PTPRD: variants seen among roughly 807,000 people sequenced by gnomAD.
PTPRD encodes receptor-type tyrosine-protein phosphatase delta.
In PTPRD, 34 loss-of-function variants were observed where a neutral mutation model predicts 214.5. The ratio of observed to expected loss-of-function variants is 0.16; its 90% CI spans 0.12 to 0.21. The LOEUF (loss-of-function observed/expected upper bound fraction) is 0.21. Ranked by LOEUF, PTPRD falls within the 10% of genes least tolerant of loss-of-function variation. The probability of loss-of-function intolerance (pLI) is 1.00; values close to 1 mark genes in which losing one functional copy is unlikely to be tolerated. For synonymous variants in PTPRD, 1,128 were observed against 845.7 expected, an observed-to-expected ratio of 1.33 and a Z score of -5.79; for missense variants, 2,545 against 2,398.7, an observed-to-expected ratio of 1.06 and a Z score of -1.27.
At chr9:9,610,191 A>T (rs141405329) in intron 7 of PTPRD, among the ~76,000 whole-genome samples, 3 of 152,334 alleles carry the variant, frequency 2.0e-5, no homozygotes, top group African/African-American at 7.2e-5. Context: ...ATTTCAACGT[A>T]ATAAGAGCCA....
intron 2 of PTPRD, among the ~76,000 whole-genome samples, chr9:10,554,209 T>C (rs1011395875): frequency 1.2e-4 from 19 of 152,200 alleles, no homozygotes; most frequent in African/African-American, 4.3e-4. Context: ...AATGGAAATA[T>C]GTTTCCTCAC....
At chr9:9,238,063 A>C in intron 9 of PTPRD, among the ~76,000 whole-genome samples, 1 of 152,072 alleles carries the variant, frequency 6.6e-6, no homozygotes, top group Non-Finnish European at 1.5e-5. Context: ...TACTAATAGG[A>C]AGCATCAGCG....
intron 12 of PTPRD, among the ~76,000 whole-genome samples, chr9:8,730,205 G>A (rs919248387): frequency 6.6e-6 from 1 of 152,086 alleles, no homozygotes; most frequent in African/African-American, 2.4e-5. Context: ...GCACTGAGCC[G>A]AGATCGCGCC....
At chr9:10,111,270 G>C (rs867185303) in intron 3 of PTPRD, among the ~76,000 whole-genome samples, 5 of 106,340 alleles carry the variant, frequency 4.7e-5, no homozygotes, top group Admixed American at 1.6e-4. Context: ...ACGGAGTCTC[G>C]CTCTGTCGCC....
chr9:9,598,949 G>A (rs573001152), intron 7 of PTPRD, among the ~76,000 whole-genome samples: 1 of 151,948 alleles, frequency 6.6e-6, no homozygotes, highest in African/African-American at 2.4e-5. Context: ...CACAGTTCTT[G>A]GTTCCTAAGC....
intron 10 of PTPRD, among the ~76,000 whole-genome samples, chr9:9,050,294 A>G (rs879891645): frequency 7.9e-5 from 12 of 152,232 alleles, no homozygotes; most frequent in African/African-American, 2.4e-4. Flanking sequence ...AAAGTATGCA[A>G]TGCAATGAAG....
chr9:8,733,257 G>A (rs554332077), intron 12 of PTPRD, among the ~76,000 whole-genome samples: 1 of 152,058 alleles, frequency 6.6e-6, no homozygotes, highest in African/African-American at 2.4e-5. Flanking sequence ...AAAGTTGTCA[G>A]TTCTGCTTGA....
chr9:9,784,867 T>TAC (rs1005503249), intron 5 of PTPRD, among the ~76,000 whole-genome samples: 6 of 149,438 alleles, frequency 4.0e-5, no homozygotes, highest in South Asian at 2.1e-4. Context: ...ATTATATATA[T>TAC]ACACACACAC....
Position 10,466,504 on chromosome 9 carries a change from T to C in PTPRD, c.-599-125487A>G, listed in dbSNP as rs1262844110. On this transcript the variant is annotated intron_variant, in intron 2 of 45. Coordinates refer to ENST00000381196, the MANE Select transcript of PTPRD (RefSeq NM_002839.4). Reference sequence around the variant, plus strand: ...CAGGCGTGGTGGCGCATGCCTGTAATCCCAGCTACTCGGGAGGCTGAGGCA... The same window carrying C: ...CAGGCGTGGTGGCGCATGCCTGTAACCCCAGCTACTCGGGAGGCTGAGGCA... Among the ~76,000 whole-genome samples the C allele has an allele frequency of 2.6e-5, 4 of 150,960 alleles. No individual in the cohort carries two copies. The East Asian group carries it at 5.9e-4, about 22-fold the overall frequency.
At chr9:8,936,584 G>A (rs916328872) in intron 11 of PTPRD, among the ~76,000 whole-genome samples, 4 of 152,108 alleles carry the variant, frequency 2.6e-5, no homozygotes, top group African/African-American at 9.7e-5. Context: ...AGGCAGCCTT[G>A]CTTTGAGGAA....
At chr9:8,688,478 T>A (rs1457959305) in intron 12 of PTPRD, among the ~76,000 whole-genome samples, 1 of 148,424 alleles carries the variant, frequency 6.7e-6, no homozygotes, top group Non-Finnish European at 1.5e-5. Flanking sequence ...GGGAGGAGAA[T>A]GGCATGAACC....
intron 9 of PTPRD, among the ~76,000 whole-genome samples, chr9:9,232,454 C>T (rs925173415): frequency 2.4e-4 from 36 of 152,138 alleles, no homozygotes; most frequent in Admixed American, 1.0e-3. Flanking sequence ...AAGGTATAAG[C>T]AATTCACAAT....
intron 14 of PTPRD, among the ~76,000 whole-genome samples, chr9:8,619,234 C>G (rs1237761401): frequency 6.6e-6 from 1 of 152,024 alleles, no homozygotes; most frequent in Admixed American, 6.6e-5. Context: ...CTCTTAGCAT[C>G]TTTCAAGAAT....
At chr9:9,553,887 G>A (rs1299415668) in intron 8 of PTPRD, among the ~76,000 whole-genome samples, 2 of 151,978 alleles carry the variant, frequency 1.3e-5, no homozygotes, top group African/African-American at 4.8e-5. Flanking sequence ...CCCTACTGGA[G>A]TGAAGGAGGA....
intron 24 of PTPRD, 72 bp from the exon 25 acceptor site, chr9:8,499,912 TCTTTA>T: frequency 4.5e-6 from 6 of 1,345,166 alleles, no homozygotes; most frequent in Non-Finnish European, 6.0e-6. Context: ...TTCTGCATTT[TCTTTA>T]CTTAGGTTTC....
intron 4 of PTPRD, among the ~76,000 whole-genome samples, chr9:10,028,201 G>A (rs1589232970): frequency 6.6e-6 from 1 of 152,186 alleles, no homozygotes; most frequent in Non-Finnish European, 1.5e-5. Context: ...GCTGCCATGT[G>A]AGACATGCGT....
At chr9:8,595,279 G>T (rs1313573109) in intron 14 of PTPRD, among the ~76,000 whole-genome samples, 1 of 151,322 alleles carries the variant, frequency 6.6e-6, no homozygotes, top group Non-Finnish European at 1.5e-5. Context: ...CACATGATAA[G>T]CTTACTCTGA....
intron 2 of PTPRD, among the ~76,000 whole-genome samples, chr9:10,539,296 C>A (rs2058568896): frequency 6.6e-6 from 1 of 152,058 alleles, no homozygotes; most frequent in Non-Finnish European, 1.5e-5. Context: ...GCAATTCTCC[C>A]ACATCAGCCT....
At chr9:9,979,911 T>C (rs933884382) in intron 4 of PTPRD, among the ~76,000 whole-genome samples, 14 of 152,240 alleles carry the variant, frequency 9.2e-5, no homozygotes, top group African/African-American at 2.9e-4. Context: ...GCTTGATAAA[T>C]TGTCTTGAAA....
Sources: gnomAD v4.1 joint callset for allele counts (sites outside exome capture counted in the v4.1 genomes callset) on GRCh38, gnomAD v4.1.1 for gene constraint, MANE v1.5 for transcripts, NCBI Gene and HGNC (gene_info 2026-07-23, HGNC 2026-07-21) for gene names.